Variants in TMTC4 observed in about 807,000 individuals in gnomAD.
The protein encoded by TMTC4 is protein O-mannosyl-transferase TMTC4.
In TMTC4, 65 loss-of-function variants were observed where a neutral mutation model predicts 86.0. The observed-to-expected ratio is 0.76, with a 90% CI of 0.62 to 0.93. The LOEUF (loss-of-function observed/expected upper bound fraction) is 0.93, where lower values mean the gene tolerates loss of function less well. Ranked by LOEUF, TMTC4 falls within the 40% of genes least tolerant of loss-of-function variation. The pLI, the probability that TMTC4 is intolerant of heterozygous loss-of-function variation, is 0.00. For synonymous variants in TMTC4, 379 were observed against 382.5 expected (o/e 0.99, Z 0.11); for missense variants, 866 against 948.1 (o/e 0.91, Z 1.14).
At position 100,666,962 on chromosome 13, in the gene TMTC4, C is replaced by T. The variant is rs183746700; in HGVS notation, c.219+1617G>A. On this transcript the variant is annotated intron_variant, in intron 3 of 18. Coordinates refer to ENST00000342624, the MANE Select transcript of TMTC4 (RefSeq NM_032813.5). ...CTATGACTGCACCACTGCACTCCAG[C>T]CTGGGCAACAGAGTAACACCTTGTC... 2.6e-3 allele frequency among the ~76,000 whole-genome samples: 396 copies of T among 152,342 alleles called. 3 individuals are homozygous for T. The highest frequency in any genetic ancestry group is 6.2e-4 in the South Asian group (3 of 4,832).
chr13:100,626,210 C>A, intron 12 of TMTC4, 60 bp from the exon 13 acceptor site: 1 of 1,517,862 alleles, frequency 6.6e-7, no homozygotes, highest in Admixed American at 1.7e-5. Flanking sequence ...AGCCTGGACC[C>A]CATCACATCT....
chr13:100,652,015 G>C (rs1374475181), intron 6 of TMTC4, among the ~76,000 whole-genome samples: 2 of 152,132 alleles, frequency 1.3e-5, no homozygotes, highest in Non-Finnish European at 2.9e-5. Context: ...TCAGCTTTTT[G>C]TACAATTTGT....
intron 15 of TMTC4, among the ~76,000 whole-genome samples, chr13:100,619,212 A>T (rs1202379282): frequency 1.3e-5 from 2 of 148,860 alleles, no homozygotes; most frequent in Non-Finnish European, 3.0e-5. Context: ...CCGGCCGGGC[A>T]GAGGGGCTCC....
intron 5 of TMTC4, among the ~76,000 whole-genome samples, chr13:100,662,086 T>C (rs955112479): frequency 1.3e-5 from 2 of 151,864 alleles, no homozygotes; most frequent in South Asian, 4.1e-4. Flanking sequence ...GGCAGCGCGA[T>C]GGGATGGAGA....
Position 100,670,475 on chromosome 13 carries a change from G to C in TMTC4, c.-113C>G. 2 of 1,118,396 alleles carry C rather than the reference G, an allele frequency of 1.8e-6. No individual in the cohort carries two copies. Among genetic ancestry groups the C allele is most frequent in the Non-Finnish European group, 2.5e-6 (2 of 791,332 alleles). 69.3% of individuals were successfully genotyped at this position (1,118,396 alleles called of 1,614,324 possible). A position where few individuals can be genotyped will look rare whatever the true frequency, so the allele number is the denominator to read the frequency against. ...CTTGTCTCTCGAGCCTCACAGCCTG[G>C]CATACGGCATGCTCTCAGCAAGTGC... On this transcript the variant is annotated 5_prime_UTR_variant, in exon 2 of 19. Coordinates refer to ENST00000342624, the MANE Select transcript of TMTC4 (RefSeq NM_032813.5).
At chr13:100,653,311 C>T (rs1217147599) in intron 6 of TMTC4, among the ~76,000 whole-genome samples, 1 of 152,184 alleles carries the variant, frequency 6.6e-6, no homozygotes, top group Non-Finnish European at 1.5e-5. Flanking sequence ...GAGGCTCCAG[C>T]AGACTTCACT....
At chr13:100,674,957 G>A, upstream of TMTC4, 1 of 985,444 alleles carries the variant, frequency 1.0e-6, no homozygotes, top group Non-Finnish European at 1.2e-6. Flanking sequence ...TGCTGCTCCC[G>A]TCACTTTCAG....
In TMTC4 at chr13:100,668,569, A is replaced by G. The variant is rs1886680052; in HGVS notation, c.219+10T>C. On this transcript the variant is annotated intron_variant, in intron 3 of 18. Transcript: ENST00000342624. ...AGTTAAGTTTACCAGAAAAGAGTTG[A>G]GATACAAACCTTATTGTTAACAATA... 1 of 1,612,886 alleles carries G rather than the reference A, an allele frequency of 6.2e-7. No individual in the cohort carries two copies. Among genetic ancestry groups the G allele is most frequent in the Non-Finnish European group, 8.5e-7 (1 of 1,179,156 alleles).
At chr13:100,654,901 C>T (rs1175469200) in intron 6 of TMTC4, among the ~76,000 whole-genome samples, 3 of 152,008 alleles carry the variant, frequency 2.0e-5, no homozygotes, top group Non-Finnish European at 2.9e-5. Flanking sequence ...CTTTGAAATC[C>T]ATTCAGAACA....
intron 6 of TMTC4, among the ~76,000 whole-genome samples, chr13:100,642,620 C>A (rs1883174412): frequency 6.6e-6 from 1 of 152,166 alleles, no homozygotes; most frequent in Admixed American, 6.5e-5. Context: ...TCCCAACCTA[C>A]CAGTCACCTG....
chr13:100,652,996 G>C (rs963404784), intron 6 of TMTC4, among the ~76,000 whole-genome samples: 2 of 152,192 alleles, frequency 1.3e-5, no homozygotes, highest in Non-Finnish European at 2.9e-5. Context: ...TTTTAGAACA[G>C]AATCAGAAAC....
chr13:100,616,894 T>A (rs1878591775), intron 15 of TMTC4, among the ~76,000 whole-genome samples: 1 of 152,230 alleles, frequency 6.6e-6, no homozygotes, highest in Non-Finnish European at 1.5e-5. Flanking sequence ...TTGTTACTTA[T>A]AGATCTCAAT....
chr13:100,640,184 G>T (rs905546415), intron 7 of TMTC4, among the ~76,000 whole-genome samples: 1 of 151,702 alleles, frequency 6.6e-6, no homozygotes, highest in Non-Finnish European at 1.5e-5. Context: ...GCCCTCCAGG[G>T]GGGTGTTTGG....
intron 17 of TMTC4, among the ~76,000 whole-genome samples, chr13:100,611,597 A>C (rs1245184010): frequency 2.0e-5 from 3 of 152,204 alleles, no homozygotes; most frequent in African/African-American, 4.8e-5. Flanking sequence ...AAAAAACAAA[A>C]AAAATAAAAA....
chr13:100,629,612 C>T (rs775160481), intron 12 of TMTC4, among the ~76,000 whole-genome samples: 7 of 152,134 alleles, frequency 4.6e-5, no homozygotes, highest in African/African-American at 7.2e-5. Context: ...TTTCTAGATC[C>T]ACTCATTCAT....
At chr13:100,658,402 C>CA (rs1885366360) in intron 5 of TMTC4, among the ~76,000 whole-genome samples, 1 of 152,204 alleles carries the variant, frequency 6.6e-6, no homozygotes. Context: ...GAGACAGGAG[C>CA]ATCTCAGAGC....
chr13:100,630,603 C>T (rs1281075574), intron 12 of TMTC4, among the ~76,000 whole-genome samples: 1 of 152,148 alleles, frequency 6.6e-6, no homozygotes, highest in African/African-American at 2.4e-5. Flanking sequence ...CACAAAACAA[C>T]CTAGGGCCGG....
chr13:100,675,026 G>A (rs1405797826), upstream of TMTC4: 11 of 985,562 alleles, frequency 1.1e-5, no homozygotes, highest in Non-Finnish European at 1.2e-5. Flanking sequence ...TCAGGCCAGG[G>A]GGCGCTAGTC....
chr13:100,638,113 C>T (rs1340898099), intron 7 of TMTC4, 91 bp from the exon 8 acceptor site: 33 of 933,378 alleles, frequency 3.5e-5, no homozygotes, highest in Non-Finnish European at 1.7e-6. Flanking sequence ...TCAATCTAGA[C>T]AAGGAACACA....
Sources: allele counts gnomAD v4.1 joint callset (sites outside exome capture counted in the v4.1 genomes callset), GRCh38; gene constraint gnomAD v4.1.1; transcripts MANE v1.5; gene names NCBI Gene and HGNC (gene_info 2026-07-23, HGNC 2026-07-21).